Variants in RARB observed in about 807,000 individuals in gnomAD.
RARB encodes HBV-activated protein.
In RARB, 17 loss-of-function variants were observed where a neutral mutation model predicts 51.9. That is an observed-to-expected ratio of 0.33 (90% CI 0.22 to 0.49). The LOEUF (loss-of-function observed/expected upper bound fraction) is 0.49, where lower values mean the gene tolerates loss of function less well. RARB is among the 20% of genes least tolerant of loss of function. RARB has a pLI of 0.99. For synonymous variants in RARB, 215 were observed against 195.4 expected (o/e 1.10, Z -0.84); for missense variants, 369 against 550.8 (o/e 0.67, Z 3.30).
At chr3:24,992,282 G>GT (rs371385578) in intron 2 of RARB, among the ~76,000 whole-genome samples, 370 of 152,226 alleles carry the variant, frequency 2.4e-3, no homozygotes, top group African/African-American at 8.6e-3. Flanking sequence ...TTATGAGTAA[G>GT]TTTGACATAT....
chr3:25,138,005 C>T (rs1700057302), intron 4 of RARB, among the ~76,000 whole-genome samples: 1 of 152,058 alleles, frequency 6.6e-6, no homozygotes, highest in African/African-American at 2.4e-5. Flanking sequence ...AATTTGAGAT[C>T]TCATTCAGGA....
At chr3:25,070,999 A>G (rs1416564650) in intron 3 of RARB, among the ~76,000 whole-genome samples, 1 of 152,232 alleles carries the variant, frequency 6.6e-6, no homozygotes, top group African/African-American at 2.4e-5. Flanking sequence ...GACATTTACC[A>G]GACTAGATCT....
At chr3:25,574,984 TAGTG>T (rs1394510360) in intron 4 of RARB, among the ~76,000 whole-genome samples, 4 of 152,088 alleles carry the variant, frequency 2.6e-5, no homozygotes, top group South Asian at 2.1e-4. Flanking sequence ...GTTGTTAACT[TAGTG>T]AGCCTCAGTT....
chr3:25,357,614 A>C (rs576509688), intron 5 of RARB, among the ~76,000 whole-genome samples: 1 of 152,252 alleles, frequency 6.6e-6, no homozygotes, highest in South Asian at 2.1e-4. Context: ...GGTGTTGCCT[A>C]GGTTTTCTTC....
At chr3:25,351,957 C>T (rs1385962077) in intron 5 of RARB, among the ~76,000 whole-genome samples, 1 of 152,134 alleles carries the variant, frequency 6.6e-6, no homozygotes, top group Non-Finnish European at 1.5e-5. Context: ...GATCCTAGGC[C>T]TAGAGATGCT....
At chr3:25,157,982 C>T (rs1700407013) in intron 4 of RARB, among the ~76,000 whole-genome samples, 1 of 152,194 alleles carries the variant, frequency 6.6e-6, no homozygotes, top group Non-Finnish European at 1.5e-5. Flanking sequence ...AATAACTTTT[C>T]CAAAGTGTGG....
intron 2 of RARB, among the ~76,000 whole-genome samples, chr3:25,494,682 G>T (rs955155958): frequency 2.6e-5 from 4 of 152,100 alleles, no homozygotes; most frequent in Non-Finnish European, 5.9e-5. Context: ...ACTCTAATTG[G>T]CATCGAGTGA....
intron 5 of RARB, among the ~76,000 whole-genome samples, chr3:25,190,978 G>A (rs192642896): frequency 1.1e-4 from 16 of 152,102 alleles, no homozygotes; most frequent in African/African-American, 1.4e-4. Flanking sequence ...TGTGTTGGGG[G>A]CCTCGCCCAT....
At chr3:25,015,102 CTGTGTA>C (rs1697480276) in intron 2 of RARB, among the ~76,000 whole-genome samples, 1 of 152,100 alleles carries the variant, frequency 6.6e-6, no homozygotes, top group African/African-American at 2.4e-5. Flanking sequence ...CTTTGAGTGT[CTGTGTA>C]TAAGATGAAG....
At chr3:25,373,407 A>G (rs1706361886) in intron 5 of RARB, among the ~76,000 whole-genome samples, 1 of 152,146 alleles carries the variant, frequency 6.6e-6, no homozygotes, top group Non-Finnish European at 1.5e-5. Flanking sequence ...GGGTCCAGAA[A>G]AGCAGTGAGG....
chr3:24,917,716 G>A lies in RARB; in HGVS notation c.-380+58964G>A, dbSNP rs578178456. 3.3e-5 allele frequency among the ~76,000 whole-genome samples: 5 copies of A among 152,252 alleles called. No individual in the cohort carries two copies. The South Asian group carries it at 6.2e-4, about 19-fold the overall frequency. ...TAATTTCTCTATTTTTACTAGAGAC[G>A]GGGTTTTACCATGTTGGCCAGGCTG... On this transcript the variant is annotated intron_variant, in intron 2 of 11. Transcript: ENST00000383772.
At chr3:25,254,824 C>G (rs1236815723) in intron 5 of RARB, among the ~76,000 whole-genome samples, 2 of 152,062 alleles carry the variant, frequency 1.3e-5, no homozygotes, top group South Asian at 2.1e-4. Flanking sequence ...CTGTCTTTGA[C>G]TCTGCCATTA....
chr3:24,857,433 A>G (rs1187378095), intron 1 of RARB, among the ~76,000 whole-genome samples: 1 of 152,232 alleles, frequency 6.6e-6, no homozygotes, highest in African/African-American at 2.4e-5. Context: ...GCTAAATTTG[A>G]ATTTTTGATA....
chr3:25,459,653 G>C (rs1695073715), intron 1 of RARB, among the ~76,000 whole-genome samples: 1 of 152,210 alleles, frequency 6.6e-6, no homozygotes, highest in South Asian at 2.1e-4. Flanking sequence ...GTGGTAGCAG[G>C]ATAGTGATGT....
chr3:25,198,688 G>C lies in RARB; in HGVS notation c.178+24113G>C, dbSNP rs570997368. Among the ~76,000 whole-genome samples, 10 of 151,932 alleles carry C rather than the reference G, an allele frequency of 6.6e-5. No individual in the cohort carries two copies. In the South Asian group the frequency reaches 2.1e-3, roughly 32 times the overall value. ...AAATTGCGAACAGGTATATGGAAAG[G>C]TGGCCAACCTTACTGAGCATCAGAG... On this transcript the variant is annotated intron_variant, in intron 5 of 11. Transcript: ENST00000383772.
intron 4 of RARB, among the ~76,000 whole-genome samples, chr3:25,135,404 C>G (rs1236426845): frequency 6.6e-6 from 1 of 151,888 alleles, no homozygotes; most frequent in South Asian, 2.1e-4. Flanking sequence ...ACCCCATTTA[C>G]CTGGATATCT....
chr3:25,511,543 A>G (rs903168872), intron 3 of RARB, among the ~76,000 whole-genome samples: 3 of 152,246 alleles, frequency 2.0e-5, no homozygotes, highest in African/African-American at 4.8e-5. Flanking sequence ...AAAAAAATCA[A>G]TTGAGACAGA....
rs796157385 is a variant in RARB at position 25,473,966 on chromosome 3, G to A, written c.306+12625G>A. On this transcript the variant is annotated intron_variant, in intron 2 of 7. Transcript: ENST00000330688. ...CTTGGCTGCAACTCTGAACTGGAGC[G>A]TGTAAAATGTACTTCTCAGGTTCTG... Among the ~76,000 whole-genome samples the A allele has an allele frequency of 6.8e-5, 10 of 147,598 alleles. No homozygotes were observed. In the South Asian group the frequency reaches 1.1e-3, roughly 16 times the overall value.
intron 2 of RARB, among the ~76,000 whole-genome samples, chr3:25,055,941 C>T (rs2125301747): frequency 6.6e-6 from 1 of 152,194 alleles, no homozygotes; most frequent in South Asian, 2.1e-4. Context: ...GCTCTGACAG[C>T]ATCTGCCACA....
Sources: allele counts gnomAD v4.1 joint callset (sites outside exome capture counted in the v4.1 genomes callset), GRCh38; gene constraint gnomAD v4.1.1; transcripts MANE v1.5; gene names NCBI Gene and HGNC (gene_info 2026-07-23, HGNC 2026-07-21).